GPR108: variants seen among roughly 807,000 people sequenced by gnomAD.
The protein encoded by GPR108 is protein GPR108.
A neutral mutation model predicts 74.3 loss-of-function variants in GPR108; 60 were observed. The observed-to-expected ratio is 0.81, with a 90% CI of 0.66 to 1.00. The LOEUF (loss-of-function observed/expected upper bound fraction) is 1.00. Among genes scored for constraint, GPR108 ranks in the 50% least tolerant of loss-of-function variants. The pLI, the probability that GPR108 is intolerant of heterozygous loss-of-function variation, is 0.00. For missense variants in GPR108, 667 were observed against 703.3 expected, an observed-to-expected ratio of 0.95 and a Z score of 0.58; for synonymous variants, 311 against 292.4, an observed-to-expected ratio of 1.06 and a Z score of -0.65.
At chr19:6,736,020 T>C (rs1968620811) in intron 2 of GPR108, 62 bp from the exon 3 acceptor site, 1 of 1,438,722 alleles carries the variant, frequency 7.0e-7, no homozygotes, top group Non-Finnish European at 9.6e-7. Context: ...CAGCTATCCC[T>C]TTCAGTAGCA....
At chr19:6,735,319 TAAGG>T (rs1968589334) in intron 4 of GPR108, 1 of 273,006 alleles carries the variant, frequency 3.7e-6, no homozygotes, top group South Asian at 6.4e-5. Context: ...GATCACAGGA[TAAGG>T]AATGGGTGAG....
chr19:6,736,447 C>A, intron 2 of GPR108, 145 bp downstream of exon 2: 1 of 848,186 alleles, frequency 1.2e-6, no homozygotes, highest in Non-Finnish European at 1.8e-6. Flanking sequence ...TGTAAGACAT[C>A]ATTACTCCCA....
Position 6,730,386 on chromosome 19 carries a change from T to C in GPR108, c.1560-2A>G. On this transcript the variant is annotated splice_acceptor_variant, in intron 17 of 17. Transcript: ENST00000264080. LOFTEE classifies it high-confidence loss of function. ...TCCCGGAACCCAGAGTCCGTCATTCTGGGGGCAGACAGCGAGGAGGCGTCT... is the reference window on the plus strand; with the variant it reads ...TCCCGGAACCCAGAGTCCGTCATTCCGGGGGCAGACAGCGAGGAGGCGTCT... 1 of 1,612,788 alleles carries C rather than the reference T, an allele frequency of 6.2e-7. No homozygotes were observed. Among genetic ancestry groups the C allele is most frequent in the Non-Finnish European group, 8.5e-7 (1 of 1,179,744 alleles).
intron 4 of GPR108, 104 bp downstream of exon 4, chr19:6,735,516 TTC>T: frequency 2.1e-6 from 2 of 963,008 alleles, no homozygotes; most frequent in Non-Finnish European, 3.2e-6. Flanking sequence ...GTAAGTGGCT[TTC>T]TCTCTCTGCT....
intron 6 of GPR108, 43 bp from the exon 7 acceptor site, chr19:6,733,956 G>C (rs958973709): frequency 6.2e-7 from 1 of 1,613,858 alleles, no homozygotes; most frequent in African/African-American, 1.3e-5. Flanking sequence ...CTGGGTCCCC[G>C]CAGGGCCCTG....
intron 15 of GPR108, 75 bp from the exon 16 acceptor site, chr19:6,731,357 C>T (rs539283981): frequency 2.8e-5 from 41 of 1,489,344 alleles, no homozygotes; most frequent in Admixed American, 1.6e-4. Flanking sequence ...TGCAGGACTG[C>T]GGGCTGGGGA....
At chr19:6,731,786 T>A (rs1599539820) in intron 14 of GPR108, 105 bp downstream of exon 14, 1 of 1,337,426 alleles carries the variant, frequency 7.5e-7, no homozygotes, top group South Asian at 1.3e-5. Context: ...GGCAGAGGCC[T>A]GGGGGCTGGG....
chr19:6,731,458 G>A lies in GPR108; in HGVS notation c.1350+15C>T. 6.5e-7 allele frequency: 1 copy of A among 1,531,426 alleles called. No homozygotes were observed. The highest frequency in any genetic ancestry group is 8.8e-7 in the Non-Finnish European group (1 of 1,140,680). 94.9% of individuals were successfully genotyped at this position (1,531,426 alleles called of 1,614,324 possible). On this transcript the variant is annotated intron_variant, in intron 15 of 17. Transcript: ENST00000264080. Reference sequence around the variant, plus strand: ...TAATCCCCCCAAACCCGCTGTGAGTGAGGCGGGCTCCTACCATGACATAGT... The same window carrying A: ...TAATCCCCCCAAACCCGCTGTGAGTAAGGCGGGCTCCTACCATGACATAGT...
At chr19:6,733,699 G>A in intron 7 of GPR108, 25 bp from the exon 8 acceptor site, 1 of 1,606,240 alleles carries the variant, frequency 6.2e-7, no homozygotes, top group Non-Finnish European at 8.5e-7. Flanking sequence ...AGAGAGGAGG[G>A]CTCAGCCTGG....
rs746618014 is a variant in GPR108 at position 6,730,320 on chromosome 19, G to C, written c.1624C>G (p.Leu542Val). ...CTGAGATGTGGAGGTGATCATAACA[G>C]TTCCCGCCCGCTGGCTGTTTTGTTG... ...KVNKTASGRE[L>V]L Residue 542 changes from leucine (L) to valine (V), a missense_variant, in exon 18 of 18, where the codon CTG becomes GTG. Coordinates refer to ENST00000264080, the MANE Select transcript of GPR108 (RefSeq NM_001080452.2). The C allele has an allele frequency of 6.3e-5, 102 of 1,613,676 alleles. 2 individuals are homozygous for C. In the South Asian group the frequency reaches 1.1e-3, roughly 18 times the overall value.
chr19:6,732,788 G>A, intron 10 of GPR108, 199 bp downstream of exon 10: 1 of 653,610 alleles, frequency 1.5e-6, no homozygotes, highest in Admixed American at 2.3e-5. Context: ...GCTGAACCAA[G>A]GGACAGTGGT....
intron 17 of GPR108, chr19:6,730,629 C>T (rs1320279110): frequency 5.7e-6 from 3 of 528,274 alleles, no homozygotes; most frequent in Non-Finnish European, 1.0e-5. Flanking sequence ...CTACCCGTAA[C>T]CACTCAGGCC....
rs368302292 is a variant in GPR108, at chr19:6,731,292, C to A, written c.1351-10G>T. 6.5e-7 allele frequency: 1 copy of A among 1,544,472 alleles called. No homozygotes were observed. The highest frequency in any genetic ancestry group is 1.4e-5 in the African/African-American group (1 of 73,050). The stretch of plus-strand genomic sequence containing the variant: ...AGACGTAGCAGATGACCTGCAGGGG[C>A]GCGAGCAGGCGTGGGGCCAGGACTG... On this transcript the variant is annotated splice_polypyrimidine_tract_variant and intron_variant, in intron 15 of 17. Coordinates refer to ENST00000264080, the MANE Select transcript of GPR108 (RefSeq NM_001080452.2).
chr19:6,737,204 G>C (rs1026421731), intron 1 of GPR108: 1 of 520,268 alleles, frequency 1.9e-6, no homozygotes, highest in Admixed American at 3.8e-5. Flanking sequence ...GGGAAGGGGG[G>C]TGTAGTCCCC....
At position 6,732,009 on chromosome 19, in the gene GPR108, G is replaced by C; in HGVS notation, c.1256+16C>G. The C allele has an allele frequency of 6.2e-7, 1 of 1,613,706 alleles. No individual in the cohort carries two copies. Among genetic ancestry groups the C allele is most frequent in the African/African-American group, 1.3e-5 (1 of 75,054 alleles). The stretch of plus-strand genomic sequence containing the variant: ...GTGCACAGGGCAGAGCCTCAGCCCG[G>C]GGGCAGGGTCCTCACCAGACTACGG... On this transcript the variant is annotated intron_variant, in intron 13 of 17. Coordinates refer to ENST00000264080, the MANE Select transcript of GPR108 (RefSeq NM_001080452.2).
chr19:6,734,383 C>A, intron 4 of GPR108, 76 bp from the exon 5 acceptor site: 1 of 1,439,674 alleles, frequency 6.9e-7, no homozygotes, highest in South Asian at 1.3e-5. Context: ...ACTCAGTGGC[C>A]CCTTGGACCC....
chr19:6,732,099 G>A lies in GPR108; in HGVS notation c.1182C>T (p.Asp394=). 1 of 1,613,988 alleles carries A rather than the reference G, an allele frequency of 6.2e-7. No homozygotes were observed. ...IIESREEGAS[D]YVLWKEILFL... ...ACAAAATCTCCTTCCACAGCACGTAGTCGCTGGCGCCTTCCTCGCGGGACT... is the reference window on the plus strand; with the variant it reads ...ACAAAATCTCCTTCCACAGCACGTAATCGCTGGCGCCTTCCTCGCGGGACT... The change falls in exon 13 of 18, where the codon GAC becomes GAT. Residue 394 remains aspartate, a synonymous_variant. Transcript: ENST00000264080.
intron 4 of GPR108, 70 bp downstream of exon 4, chr19:6,735,552 G>A: frequency 7.6e-7 from 1 of 1,320,088 alleles, no homozygotes; most frequent in Non-Finnish European, 1.1e-6. Flanking sequence ...GATCAGCCCA[G>A]GTGCGTGTGG....
At chr19:6,736,470 G>T (rs1210642678) in intron 2 of GPR108, 122 bp downstream of exon 2, 2 of 1,032,960 alleles carry the variant, frequency 1.9e-6, no homozygotes, top group African/African-American at 1.6e-5. Context: ...TACAGATGAC[G>T]AAACAGGCTC....
Sources: allele counts gnomAD v4.1 joint callset, GRCh38; gene constraint gnomAD v4.1.1; transcripts MANE v1.5; gene names NCBI Gene and HGNC (gene_info 2026-07-23, HGNC 2026-07-21).